The following ST6GALNAC3 variants were observed in gnomAD, a reference collection of about 807,000 sequenced individuals.
ST6GALNAC3 encodes the protein ST6 N-acetylgalactosaminide alpha-2,6-sialyltransferase 3.
A neutral mutation model predicts 32.7 loss-of-function variants in ST6GALNAC3; 25 were observed. That is an observed-to-expected ratio of 0.76 (90% CI 0.56 to 1.07). The LOEUF (loss-of-function observed/expected upper bound fraction) is 1.07, where lower values mean the gene tolerates loss of function less well. Ranked by LOEUF, ST6GALNAC3 falls within the 50% of genes least tolerant of loss-of-function variation. ST6GALNAC3 has a pLI of 0.00. For missense variants in ST6GALNAC3, 355 were observed against 382.4 expected (o/e 0.93, Z 0.60); for synonymous variants, 129 against 133.1 (o/e 0.97, Z 0.21).
intron 1 of ST6GALNAC3, among the ~76,000 whole-genome samples, chr1:76,142,659 A>G (rs992283099): frequency 1.3e-5 from 2 of 152,190 alleles, no homozygotes; most frequent in African/African-American, 4.8e-5. Flanking sequence ...AAAACTGGAA[A>G]AGACCTAAAT....
At chr1:76,414,815 C>T (rs1654502390) in intron 3 of ST6GALNAC3, among the ~76,000 whole-genome samples, 2 of 152,138 alleles carry the variant, frequency 1.3e-5, no homozygotes, top group Admixed American at 1.3e-4. Context: ...AAAATCAATA[C>T]AATACCATTG....
At chr1:76,494,429 GTATATATATATATATATA>G (rs60378565) in intron 3 of ST6GALNAC3, among the ~76,000 whole-genome samples, 68 of 53,438 alleles carry the variant, frequency 1.3e-3, no homozygotes, top group African/African-American at 3.5e-3. Flanking sequence ...GTGTGCATGT[GTATATATATATATATATA>G]TATATATATA....
intron 3 of ST6GALNAC3, among the ~76,000 whole-genome samples, chr1:76,619,994 A>C (rs965218990): frequency 2.6e-4 from 40 of 152,150 alleles, no homozygotes; most frequent in African/African-American, 9.7e-4. Context: ...TTCCCATAGC[A>C]CATGCAGGGG....
At chr1:76,214,838 C>T (rs980238810) in intron 1 of ST6GALNAC3, among the ~76,000 whole-genome samples, 1 of 152,176 alleles carries the variant, frequency 6.6e-6, no homozygotes, top group Non-Finnish European at 1.5e-5. Context: ...GTTAACCAGT[C>T]ATGAGAAGTA....
At chr1:76,376,352 T>C (rs1651228848) in intron 2 of ST6GALNAC3, among the ~76,000 whole-genome samples, 1 of 152,204 alleles carries the variant, frequency 6.6e-6, no homozygotes, top group Admixed American at 6.5e-5. Context: ...TAATGCTATA[T>C]AATTTTATCA....
intron 3 of ST6GALNAC3, among the ~76,000 whole-genome samples, chr1:76,488,836 A>G (rs1660305733): frequency 6.6e-6 from 1 of 152,104 alleles, no homozygotes; most frequent in Non-Finnish European, 1.5e-5. Context: ...CTATTTTCCA[A>G]GCCTGTGTTC....
intron 2 of ST6GALNAC3, among the ~76,000 whole-genome samples, chr1:76,321,088 A>G (rs1229555171): frequency 6.6e-6 from 1 of 151,998 alleles, no homozygotes; most frequent in Non-Finnish European, 1.5e-5. Context: ...CCTTTTGACC[A>G]CAAGGGTGAG....
At chr1:76,312,736 T>A (rs1365974431) in intron 1 of ST6GALNAC3, among the ~76,000 whole-genome samples, 1 of 152,150 alleles carries the variant, frequency 6.6e-6, no homozygotes, top group African/African-American at 2.4e-5. Flanking sequence ...TTAGTATAGA[T>A]GTATTAGCTT....
At chr1:76,376,683 A>T (rs1371291063) in intron 2 of ST6GALNAC3, among the ~76,000 whole-genome samples, 1 of 152,158 alleles carries the variant, frequency 6.6e-6, no homozygotes, top group African/African-American at 2.4e-5. Flanking sequence ...TCCACTCTGC[A>T]CTCCACAAAT....
chr1:76,404,321 G>A lies in ST6GALNAC3; in HGVS notation c.214-7687G>A, dbSNP rs567141327. Among the ~76,000 whole-genome samples the A allele has an allele frequency of 2.6e-5, 4 of 152,196 alleles. No homozygotes were observed. The South Asian group carries it at 8.3e-4, about 32-fold the overall frequency. ...GAGGGGCAAGGAAGTACATTTACAG[G>A]TTAGCTTGGCTGAACTGTGTTGATT... On this transcript the variant is annotated intron_variant, in intron 2 of 4. Transcript: ENST00000328299.
chr1:76,154,279 C>A (rs961818920), intron 1 of ST6GALNAC3, among the ~76,000 whole-genome samples: 1 of 152,134 alleles, frequency 6.6e-6, no homozygotes, highest in East Asian at 1.9e-4. Flanking sequence ...TTGCACCCTG[C>A]ATGCAGGGCC....
At chr1:76,142,872 G>A (rs556694467) in intron 1 of ST6GALNAC3, 169 of 454,466 alleles carry the variant, frequency 3.7e-4, no homozygotes, top group Non-Finnish European at 6.0e-4. Flanking sequence ...TCACATTGCT[G>A]TGAGCCACAT....
At chr1:76,411,923 A>G in intron 2 of ST6GALNAC3, 85 bp from the exon 3 acceptor site, 3 of 1,417,744 alleles carry the variant, frequency 2.1e-6, no homozygotes, top group Non-Finnish European at 1.9e-6. Context: ...TAATTATACA[A>G]TATATGAACT....
At chr1:76,116,495 G>A (rs1327204654) in intron 1 of ST6GALNAC3, among the ~76,000 whole-genome samples, 1 of 152,154 alleles carries the variant, frequency 6.6e-6, no homozygotes, top group African/African-American at 2.4e-5. Flanking sequence ...CCCAACCACA[G>A]ATGATTGATC....
intron 3 of ST6GALNAC3, among the ~76,000 whole-genome samples, chr1:76,453,602 G>A (rs368992592): frequency 2.8e-4 from 43 of 152,072 alleles, no homozygotes; most frequent in African/African-American, 1.0e-3. Flanking sequence ...GTTCCTTTTC[G>A]AGTTGATTTC....
At chr1:76,313,542 TACA>T (rs1187786847) in intron 1 of ST6GALNAC3, 1 of 549,022 alleles carries the variant, frequency 1.8e-6, no homozygotes, top group Non-Finnish European at 3.3e-6. Flanking sequence ...AATAGGAGTG[TACA>T]AGGAATATAG....
intron 1 of ST6GALNAC3, among the ~76,000 whole-genome samples, chr1:76,134,543 A>G (rs1649816871): frequency 6.6e-6 from 1 of 152,194 alleles, no homozygotes; most frequent in Non-Finnish European, 1.5e-5. Context: ...GGTCAGAGAC[A>G]GGATTGGGCT....
At chr1:76,165,486 G>A (rs557702761) in intron 1 of ST6GALNAC3, among the ~76,000 whole-genome samples, 2 of 152,224 alleles carry the variant, frequency 1.3e-5, no homozygotes, top group African/African-American at 4.8e-5. Context: ...ACATACATGT[G>A]CATGTGTCTT....
chr1:76,139,022 G>A (rs771550459), intron 1 of ST6GALNAC3, among the ~76,000 whole-genome samples: 39 of 152,062 alleles, frequency 2.6e-4, no homozygotes, highest in Non-Finnish European at 5.3e-4. Flanking sequence ...GTGAAACCCC[G>A]TCTCTACTAA....
Sources: allele counts gnomAD v4.1 joint callset (sites outside exome capture counted in the v4.1 genomes callset), GRCh38; gene constraint gnomAD v4.1.1; transcripts MANE v1.5; gene names NCBI Gene and HGNC (gene_info 2026-07-23, HGNC 2026-07-21).